PRUNE1: variants seen among roughly 807,000 people sequenced by gnomAD.
PRUNE1 encodes the protein prune exopolyphosphatase 1, also known as exopolyphosphatase PRUNE1.
A neutral mutation model predicts 42.5 loss-of-function variants in PRUNE1; 25 were observed. The ratio of observed to expected loss-of-function variants is 0.59; its 90% confidence interval spans 0.43 to 0.82. The LOEUF is 0.82. Among genes scored for constraint, PRUNE1 ranks in the 40% least tolerant of loss-of-function variants. PRUNE1 has a pLI of 0.00. For missense variants in PRUNE1, 443 were observed against 539.3 expected (o/e 0.82, Z 1.77); for synonymous variants, 203 against 217.1 (o/e 0.93, Z 0.57).
At chr1:151,031,239 G>C (rs587680129) in intron 7 of PRUNE1, among the ~76,000 whole-genome samples, 152 of 149,422 alleles carry the variant, frequency 1.0e-3, no homozygotes, top group African/African-American at 3.6e-3. Context: ...CCAGGCTGGA[G>C]TGGTACAATG....
intron 6 of PRUNE1, among the ~76,000 whole-genome samples, chr1:151,027,943 G>A (rs1674980177): frequency 6.6e-6 from 1 of 152,026 alleles, no homozygotes; most frequent in African/African-American, 2.4e-5. Context: ...AAATCTAAAG[G>A]ACTTACTGTG....
intron 3 of PRUNE1, among the ~76,000 whole-genome samples, chr1:151,020,461 T>A (rs587675692): frequency 4.0e-5 from 6 of 148,454 alleles, no homozygotes; most frequent in African/African-American, 1.5e-4. Context: ...TCCAAAAAAA[T>A]TTTTTTAAGT....
chr1:151,034,136 G>C lies in PRUNE1; in HGVS notation c.1264G>C (p.Asp422His), dbSNP rs961796484. The change falls in exon 8 of 8, where the codon GAT becomes CAT. Residue 422 changes from aspartate to histidine, a missense_variant. Coordinates refer to ENST00000271620, the MANE Select transcript of PRUNE1 (RefSeq NM_021222.3). ...CAGCTTGGTGGATGAGTGCCCTCTA[G>C]ATCAGGGGCTGCCTAAACTCTCTGC... ...MNSLVDECPL[D>H]QGLPKLSAEA... 9.3e-6 allele frequency: 15 copies of C among 1,614,082 alleles called. No individual in the cohort carries two copies. In the African/African-American group the frequency reaches 1.9e-4, roughly 20 times the overall value.
At chr1:151,015,535 G>A (rs1674055817) in intron 1 of PRUNE1, among the ~76,000 whole-genome samples, 2 of 150,850 alleles carry the variant, frequency 1.3e-5, no homozygotes, top group Admixed American at 6.7e-5. Context: ...TCAGGAGGCT[G>A]AGGCAAGAGA....
chr1:151,021,316 G>A (rs1006036764), intron 3 of PRUNE1, among the ~76,000 whole-genome samples: 6 of 151,950 alleles, frequency 3.9e-5, no homozygotes, highest in East Asian at 1.9e-4. Context: ...TTAGCCAGGC[G>A]TGGTGGCACA....
At chr1:151,010,454 C>G (rs1284046292) in intron 1 of PRUNE1, among the ~76,000 whole-genome samples, 3 of 152,068 alleles carry the variant, frequency 2.0e-5, no homozygotes, top group Non-Finnish European at 4.4e-5. Context: ...GCTGGCATCT[C>G]GACCTTTCTC....
Position 151,024,666 on chromosome 1 carries a change from G to A in PRUNE1, c.391G>A (p.Glu131Lys), listed in dbSNP as rs186350294. The A allele has an allele frequency of 1.6e-5, 26 of 1,613,698 alleles. No homozygotes were observed. Among genetic ancestry groups the A allele is most frequent in the South Asian group, 2.2e-5 (2 of 91,084 alleles). ...VAEVLDHRPIEPKHCPPCHVS... is the reference protein window; with the variant it reads ...VAEVLDHRPIKPKHCPPCHVS... The stretch of plus-strand genomic sequence containing the variant: ...AGAGGTGCTAGACCATCGACCCATC[G>A]AGCCGAAACACTGCCCTCCCTGCCA... The change falls in exon 4 of 8, where the codon GAG becomes AAG. Residue 131 changes from glutamate to lysine, a missense_variant. Coordinates refer to ENST00000271620, the MANE Select transcript of PRUNE1 (RefSeq NM_021222.3).
At chr1:151,008,788 A>AG (rs1673530208) in intron 1 of PRUNE1, 117 bp downstream of exon 1, 1 of 717,204 alleles carries the variant, frequency 1.4e-6, no homozygotes, top group Non-Finnish European at 2.3e-6. Flanking sequence ...AGTTGTGGGG[A>AG]GGGGGGTTGG....
At chr1:151,019,354 T>G (rs1282313956) in intron 3 of PRUNE1, among the ~76,000 whole-genome samples, 1 of 152,004 alleles carries the variant, frequency 6.6e-6, no homozygotes, top group East Asian at 1.9e-4. Flanking sequence ...CTCCAGGAGT[T>G]CAAGACCCGC....
In PRUNE1 at chr1:151,018,677, C is replaced by G. The variant is rs1674245208; in HGVS notation, c.335+8C>G. 2 of 1,611,302 alleles carry G rather than the reference C, an allele frequency of 1.2e-6. No individual in the cohort carries two copies. Among genetic ancestry groups the G allele is most frequent in the Non-Finnish European group, 1.7e-6 (2 of 1,177,690 alleles). ...CCATCATATCTTATCCAAGTAAGCA[C>G]AAGGAAATTAAATTGCTACCTATCA... On this transcript the variant is annotated splice_region_variant and intron_variant, in intron 3 of 7. Transcript: ENST00000271620.
intron 1 of PRUNE1, among the ~76,000 whole-genome samples, chr1:151,009,626 A>C (rs1558070689): frequency 6.6e-6 from 1 of 152,068 alleles, no homozygotes; most frequent in African/African-American, 2.4e-5. Flanking sequence ...GATATCTTAA[A>C]CTCTACAAAT....
In PRUNE1 at chr1:151,033,936, T is replaced by C. The variant is rs587705176; in HGVS notation, c.1064T>C (p.Leu355Pro). 5.6e-6 allele frequency: 9 copies of C among 1,614,102 alleles called. No individual in the cohort carries two copies. The South Asian group carries it at 8.8e-5, about 16-fold the overall frequency. ...TCTCGAAAGAAACTTCTGCCCCTGC[T>C]CCAGGAAGCCCTGTCAGCATATTTT... ...QVSRKKLLPL[L>P]QEALSAYFDS... Residue 355 changes from leucine (L) to proline (P), a missense_variant, in exon 8 of 8, where the codon CTC becomes CCC. Transcript: ENST00000271620.
chr1:151,028,990 C>G (rs1454012785), intron 7 of PRUNE1, 46 bp downstream of exon 7: 1 of 1,540,570 alleles, frequency 6.5e-7, no homozygotes, highest in East Asian at 2.2e-5. Flanking sequence ...ACAGAGTCTG[C>G]CTGTATGTAC....
intron 6 of PRUNE1, among the ~76,000 whole-genome samples, 172 bp downstream of exon 6, chr1:151,027,499 A>G (rs917819601): frequency 2.0e-5 from 3 of 151,868 alleles, no homozygotes; most frequent in African/African-American, 7.3e-5. Context: ...GCACCGCTGT[A>G]TTAGCCTCAG....
At chr1:151,014,399 T>G (rs1260113997) in intron 1 of PRUNE1, among the ~76,000 whole-genome samples, 1 of 152,130 alleles carries the variant, frequency 6.6e-6, no homozygotes, top group Non-Finnish European at 1.5e-5. Flanking sequence ...TGTATTTCTC[T>G]CCAGGGATGG....
At chr1:151,018,423 CATT>C in intron 2 of PRUNE1, 41 bp from the exon 3 acceptor site, 1 of 1,514,806 alleles carries the variant, frequency 6.6e-7, no homozygotes, top group Non-Finnish European at 9.2e-7. Context: ...TTTTTCCTGT[CATT>C]ATAAAACCTT....
In PRUNE1 at chr1:151,025,520, A is replaced by G. The variant is rs745850065; in HGVS notation, c.526A>G (p.Ile176Val). Residue 176 changes from isoleucine to valine, a missense_variant, in exon 5 of 8, where the codon ATC becomes GTC. Transcript: ENST00000271620. ...RQTAALLHGT[I>V]ILDCVNMDLK... ...ACCATCTCCCTTCTCCACAGGAACC[A>G]TCATCCTGGACTGTGTCAACATGGA... 2 of 1,612,446 alleles carry G rather than the reference A, an allele frequency of 1.2e-6. No individual in the cohort carries two copies. Among genetic ancestry groups the G allele is most frequent in the Non-Finnish European group, 8.5e-7 (1 of 1,179,426 alleles).
At position 151,029,268 on chromosome 1, in the gene PRUNE1, G is replaced by A. The variant is rs879455455; in HGVS notation, c.933+324G>A. 1.1e-4 allele frequency among the ~76,000 whole-genome samples: 16 copies of A among 151,676 alleles called. No individual in the cohort carries two copies. The Middle Eastern group carries it at 0.01, about 98-fold the overall frequency. Reference sequence around the variant, plus strand: ...AGTTAGAAGGAAATGTTATAAATCCGGAGTTAAAATTCCCTTCTTGAGCTA... The same window carrying A: ...AGTTAGAAGGAAATGTTATAAATCCAGAGTTAAAATTCCCTTCTTGAGCTA... On this transcript the variant is annotated intron_variant, in intron 7 of 7. Coordinates refer to ENST00000271620, the MANE Select transcript of PRUNE1 (RefSeq NM_021222.3).
chr1:151,019,808 C>CGA (rs1379601629), intron 3 of PRUNE1, among the ~76,000 whole-genome samples: 127 of 144,860 alleles, frequency 8.8e-4, no homozygotes, highest in African/African-American at 2.2e-3. Flanking sequence ...GCCTGCAACT[C>CGA]TATTTTTAAT....
Sources: allele counts gnomAD v4.1 joint callset (sites outside exome capture counted in the v4.1 genomes callset), GRCh38; gene constraint gnomAD v4.1.1; transcripts MANE v1.5; gene names NCBI Gene and HGNC (gene_info 2026-07-23, HGNC 2026-07-21).